The following ANKS1B variants were observed in gnomAD, a reference collection of about 807,000 sequenced individuals.
ANKS1B encodes ankyrin repeat and sterile alpha motif domain containing 1B.
ANKS1B carries 36 observed loss-of-function variants against 148.3 expected under a neutral mutation model. That is an observed-to-expected ratio of 0.24 (90% CI 0.19 to 0.32). The LOEUF is 0.32. Ranked by LOEUF, ANKS1B falls within the 10% of genes least tolerant of loss-of-function variation. ANKS1B has a pLI of 1.00. For synonymous variants in ANKS1B, 542 were observed against 560.8 expected (o/e 0.97, Z 0.47); for missense variants, 1,157 against 1,542.6 (o/e 0.75, Z 4.19).
chr12:99,348,944 G>A (rs781620421), intron 12 of ANKS1B, among the ~76,000 whole-genome samples: 27 of 151,876 alleles, frequency 1.8e-4, no homozygotes, highest in Non-Finnish European at 2.7e-4. Flanking sequence ...TTTTTCCTAT[G>A]TCATTTAGAA....
At chr12:99,886,780 A>T (rs2092843455) in intron 1 of ANKS1B, among the ~76,000 whole-genome samples, 1 of 152,230 alleles carries the variant, frequency 6.6e-6, no homozygotes, top group Admixed American at 6.5e-5. Flanking sequence ...TCTACATATG[A>T]GTCTACTAAC....
chr12:99,951,201 T>C (rs975441326), intron 1 of ANKS1B, among the ~76,000 whole-genome samples: 10 of 152,358 alleles, frequency 6.6e-5, no homozygotes, highest in Non-Finnish European at 1.5e-4. Flanking sequence ...CTTATTTTAA[T>C]CTATGATGTT....
chr12:99,653,251 T>C (rs972093714), intron 9 of ANKS1B, among the ~76,000 whole-genome samples: 33 of 152,330 alleles, frequency 2.2e-4, no homozygotes, highest in Non-Finnish European at 1.0e-4. Flanking sequence ...GATACAATCA[T>C]ATTACTGACA....
At chr12:99,491,687 G>A (rs1156279826) in intron 10 of ANKS1B, among the ~76,000 whole-genome samples, 1 of 152,070 alleles carries the variant, frequency 6.6e-6, no homozygotes, top group Non-Finnish European at 1.5e-5. Context: ...AGAACATGCA[G>A]TATTTGGTTT....
chr12:99,695,291 A>G (rs1340845839), intron 8 of ANKS1B, among the ~76,000 whole-genome samples: 1 of 152,212 alleles, frequency 6.6e-6, no homozygotes, highest in African/African-American at 2.4e-5. Flanking sequence ...CAAAACTTCA[A>G]ACTCACTTCC....
At chr12:98,781,479 TGAA>T in intron 23 of ANKS1B, 1 of 543,352 alleles carries the variant, frequency 1.8e-6, no homozygotes, top group South Asian at 1.5e-5. Flanking sequence ...TTTGTGTGGA[TGAA>T]GGAGTACTTC....
intron 12 of ANKS1B, among the ~76,000 whole-genome samples, chr12:99,274,192 G>A (rs758011102): frequency 2.0e-5 from 3 of 152,072 alleles, no homozygotes; most frequent in Non-Finnish European, 2.9e-5. Flanking sequence ...CCCTGATAGC[G>A]CTCTGGATTT....
At chr12:99,168,917 A>G (rs1254207062) in intron 14 of ANKS1B, among the ~76,000 whole-genome samples, 1 of 152,360 alleles carries the variant, frequency 6.6e-6, no homozygotes, top group East Asian at 1.9e-4. Context: ...CATTAAAATA[A>G]ACCCATAATA....
intron 14 of ANKS1B, among the ~76,000 whole-genome samples, chr12:99,192,137 A>AAAAAAAAAAAAAAAAAAAAAAAAAAAT (rs1448418112): frequency 6.6e-6 from 1 of 150,474 alleles, no homozygotes; most frequent in Non-Finnish European, 1.5e-5. Flanking sequence ...ATCTCAAAAA[A>AAAAAAAAAAAAAAAAAAAAAAAAAAAT]AAAAAAAAAA....
intron 10 of ANKS1B, among the ~76,000 whole-genome samples, chr12:99,466,241 G>A (rs1282504380): frequency 3.3e-5 from 5 of 152,220 alleles, no homozygotes; most frequent in Admixed American, 6.5e-5. Flanking sequence ...TGAAACCAAC[G>A]AAAACAAAGA....
At chr12:99,692,710 G>C (rs1415044661) in intron 8 of ANKS1B, among the ~76,000 whole-genome samples, 1 of 151,728 alleles carries the variant, frequency 6.6e-6, no homozygotes, top group Non-Finnish European at 1.5e-5. Flanking sequence ...ATGAATCAGG[G>C]ATGACTTTAA....
chr12:99,546,332 T>C (rs1039192176), intron 9 of ANKS1B, among the ~76,000 whole-genome samples: 7 of 152,004 alleles, frequency 4.6e-5, no homozygotes, highest in African/African-American at 1.4e-4. Flanking sequence ...TTTTCAAGAG[T>C]TTATAAACTG....
At chr12:99,707,054 T>G (rs1026559653) in intron 8 of ANKS1B, among the ~76,000 whole-genome samples, 9 of 152,086 alleles carry the variant, frequency 5.9e-5, no homozygotes, top group African/African-American at 1.9e-4. Flanking sequence ...AATAAATATT[T>G]TGCATAAGGC....
At chr12:99,894,314 AG>A (rs1395405228) in intron 1 of ANKS1B, among the ~76,000 whole-genome samples, 3 of 44,224 alleles carry the variant, frequency 6.8e-5, no homozygotes, top group African/African-American at 3.2e-4. Flanking sequence ...GGAGGGAGGG[AG>A]GGAGGGAGGG....
At chr12:99,323,048 T>G (rs557010849) in intron 12 of ANKS1B, among the ~76,000 whole-genome samples, 2 of 152,314 alleles carry the variant, frequency 1.3e-5, no homozygotes, top group South Asian at 4.1e-4. Context: ...GGGTATGTCT[T>G]TATCAGTAGT....
chr12:99,867,411 G>A (rs1016602405), intron 1 of ANKS1B, among the ~76,000 whole-genome samples: 3 of 152,072 alleles, frequency 2.0e-5, no homozygotes, highest in Admixed American at 6.6e-5. Context: ...AGACATACCC[G>A]AGACTGGGAA....
At position 99,246,436 on chromosome 12, in the gene ANKS1B, T is replaced by C; in HGVS notation, c.2185A>G (p.Met729Val). The change falls in exon 13 of 27, where the codon ATG becomes GTG. Residue 729 changes from methionine to valine, a missense_variant. Around this residue, in one of 6 missense-constraint regions of ANKS1B, gnomAD observed 661 missense variants for 642.1 expected, o/e 1.03. Transcript: ENST00000683438. ...TTAGAGACACTTTTTGACAAATGCA[T>C]GTCGATCAAGGCTTTAGGCAATGAC... ...IRSLPKALID[M>V]HLSKSVSKSD... 6.2e-7 allele frequency: 1 copy of C among 1,613,928 alleles called. No homozygotes were observed. Among genetic ancestry groups the C allele is most frequent in the South Asian group, 1.1e-5 (1 of 91,068 alleles).
intron 15 of ANKS1B, among the ~76,000 whole-genome samples, chr12:99,099,376 T>G (rs964079728): frequency 2.6e-5 from 4 of 152,204 alleles, no homozygotes. Context: ...ATAAAAGAGA[T>G]GCCTGGTTAG....
At chr12:99,962,897 T>G (rs180867923) in intron 1 of ANKS1B, among the ~76,000 whole-genome samples, 1 of 148,706 alleles carries the variant, frequency 6.7e-6, no homozygotes, top group Non-Finnish European at 1.5e-5. Flanking sequence ...CACTGCCGGC[T>G]CCGCCTCCCG....
Sources: allele counts gnomAD v4.1 joint callset (sites outside exome capture counted in the v4.1 genomes callset), GRCh38; gene constraint gnomAD v4.1.1; regional missense constraint gnomAD v4.1.1; transcripts MANE v1.5; gene names NCBI Gene and HGNC (gene_info 2026-07-23, HGNC 2026-07-21).